Variants in GGT7 observed in about 807,000 individuals in gnomAD.
GGT7 encodes gamma-glutamyltransferase 7.
A neutral mutation model predicts 69.2 loss-of-function variants in GGT7; 30 were observed. The ratio of observed to expected loss-of-function variants is 0.43; its 90% CI spans 0.32 to 0.59. The LOEUF (loss-of-function observed/expected upper bound fraction) is 0.59, where lower values mean the gene tolerates loss of function less well. GGT7 is among the 20% of genes least tolerant of loss of function. GGT7 has a pLI of 0.05. For synonymous variants in GGT7, 388 were observed against 391.8 expected, an observed-to-expected ratio of 0.99 and a Z score of 0.12; for missense variants, 733 against 901.1, an observed-to-expected ratio of 0.81 and a Z score of 2.39.
intron 13 of GGT7, 109 bp downstream of exon 13, chr20:34,851,122 T>C: frequency 7.2e-7 from 1 of 1,382,174 alleles, no homozygotes; most frequent in Non-Finnish European, 1.0e-6. Context: ...CCTCAGCCCA[T>C]GTTTGCCGCA....
chr20:34,852,948 A>ATT (rs11387013), intron 10 of GGT7, among the ~76,000 whole-genome samples: 1 of 150,296 alleles, frequency 6.7e-6, no homozygotes, highest in Non-Finnish European at 1.5e-5. Flanking sequence ...GTATATGAGG[A>ATT]TTTTTTTTTT....
intron 4 of GGT7, 112 bp downstream of exon 4, chr20:34,861,333 C>T (rs2079591372): frequency 2.0e-6 from 1 of 512,616 alleles, no homozygotes. Flanking sequence ...GAATCCTGCT[C>T]AACTCTTTTT....
chr20:34,863,048 G>A lies in GGT7; in HGVS notation c.406-83C>T. On this transcript the variant is annotated intron_variant, in intron 2 of 14. Transcript: ENST00000336431. This position sits in a 1 kb window ranked among gnomAD's most constrained non-coding sequence, Gnocchi z 4.4. Reference sequence around the variant, plus strand: ...ACCTCCACTAGCCCTAGAACTCTACGCGGCATGAAGGTCGAAGCCCTGCCC... The same window carrying A: ...ACCTCCACTAGCCCTAGAACTCTACACGGCATGAAGGTCGAAGCCCTGCCC... 2 of 1,371,354 alleles carry A rather than the reference G, an allele frequency of 1.5e-6. No homozygotes were observed. Among genetic ancestry groups the A allele is most frequent in the Admixed American group, 2.1e-5 (1 of 47,252 alleles). 84.9% of individuals were successfully genotyped at this position (1,371,354 alleles called of 1,614,324 possible).
chr20:34,850,934 T>G (rs748273618), intron 13 of GGT7: 1 of 668,740 alleles, frequency 1.5e-6, no homozygotes, highest in African/African-American at 1.7e-5. Context: ...AGAGGTATAA[T>G]GGGACTTGAG....
intron 7 of GGT7, among the ~76,000 whole-genome samples, chr20:34,857,873 C>T (rs2079521609): frequency 6.6e-6 from 1 of 152,194 alleles, no homozygotes; most frequent in African/African-American, 2.4e-5. Context: ...CCCATCTTGG[C>T]CTCCCAAAGT....
At chr20:34,851,676 TC>T (rs1445310467) in intron 12 of GGT7, among the ~76,000 whole-genome samples, 2 of 152,192 alleles carry the variant, frequency 1.3e-5, no homozygotes, top group African/African-American at 4.8e-5. Context: ...CCCACCCTGA[TC>T]ATCTCTATGT....
intron 13 of GGT7, 144 bp from the exon 14 acceptor site, chr20:34,850,204 GAC>G (rs780137630): frequency 2.6e-6 from 2 of 773,148 alleles, no homozygotes; most frequent in Non-Finnish European, 4.7e-6. Flanking sequence ...AGCCCTGGAA[GAC>G]AGGCAGGCCT....
chr20:34,861,579 AG>A lies in GGT7; in HGVS notation c.558-18del, dbSNP rs2079597246. 2 of 1,386,034 alleles carry A rather than the reference AG, an allele frequency of 1.4e-6. No individual in the cohort carries two copies. The highest frequency in any genetic ancestry group is 3.1e-5 in the South Asian group (2 of 63,964). 85.9% of individuals were successfully genotyped at this position (1,386,034 alleles called of 1,614,324 possible). Reference sequence around the variant, plus strand: ...ACGCCCCCACTGGGAGAGACACAGAAGGGGAAGTGTGATGATAACATGCTAC... The same window carrying A: ...ACGCCCCCACTGGGAGAGACACAGAAGGGAAGTGTGATGATAACATGCTAC... On this transcript the variant is annotated intron_variant, in intron 3 of 14. Transcript: ENST00000336431.
Position 34,866,511 on chromosome 20 carries a change from G to A in GGT7, c.170-2963C>T, listed in dbSNP as rs373444938. On this transcript the variant is annotated intron_variant, in intron 1 of 14. Coordinates refer to ENST00000336431, the MANE Select transcript of GGT7 (RefSeq NM_178026.3). ...GGAAAAATTACAGGGAGATAGGAAT[G>A]GGAAAGGGGACTTTTTTATTCTTCC... Among the ~76,000 whole-genome samples, 4 of 149,960 alleles carry A rather than the reference G, an allele frequency of 2.7e-5. No homozygotes were observed. The East Asian group carries it at 5.9e-4, about 22-fold the overall frequency.
At chr20:34,861,635 C>T in intron 3 of GGT7, 73 bp from the exon 4 acceptor site, 1 of 910,400 alleles carries the variant, frequency 1.1e-6, no homozygotes, top group Non-Finnish European at 1.6e-6. Flanking sequence ...GCTGCCCCTC[C>T]ACCCCCAGTG....
chr20:34,854,094 G>A (rs892732042), intron 10 of GGT7, among the ~76,000 whole-genome samples: 3 of 152,066 alleles, frequency 2.0e-5, no homozygotes, highest in Non-Finnish European at 4.4e-5. Context: ...GCGCCACCAC[G>A]CCCGGCTAAT....
At chr20:34,870,490 GTTGT>G (rs1164116075) in intron 1 of GGT7, among the ~76,000 whole-genome samples, 3 of 152,118 alleles carry the variant, frequency 2.0e-5, no homozygotes, top group East Asian at 1.9e-4. Context: ...TTTTGTTGTT[GTTGT>G]TTGTTTGTTT....
rs1226035304 is a variant in GGT7, at chr20:34,854,505, G to A, written c.1319+26C>T. ...CCCCACACCCACCGCTGCCTCTGTA[G>A]CCCCCAGGTCCTGCCCAAGACCCAC... On this transcript the variant is annotated intron_variant, in intron 10 of 14. Coordinates refer to ENST00000336431, the MANE Select transcript of GGT7 (RefSeq NM_178026.3). 3 of 1,432,018 alleles carry A rather than the reference G, an allele frequency of 2.1e-6. No homozygotes were observed. In the South Asian group the frequency reaches 3.5e-5, roughly 17 times the overall value. 88.7% of individuals were successfully genotyped at this position (1,432,018 alleles called of 1,614,324 possible).
chr20:34,862,917 G>C lies in GGT7; in HGVS notation c.454C>G (p.Leu152Val). The C allele has an allele frequency of 6.2e-7, 1 of 1,614,020 alleles. No homozygotes were observed. Among genetic ancestry groups the C allele is most frequent in the Non-Finnish European group, 8.5e-7 (1 of 1,179,912 alleles). ...VVTDAARCTS[L>V]GIEVLSKQGS... is the part of the protein sequence containing the mutation. ...TGTTTACTGAGCACCTCGATGCCCA[G>C]TGAAGTGCAGCGGGCAGCATCGGTC... The change falls in exon 3 of 15, where the codon CTG becomes GTG. Residue 152 changes from leucine to valine, a missense_variant. Transcript: ENST00000336431.
chr20:34,845,112 TCAC>T lies in GGT7; in HGVS notation c.*213_*215del, dbSNP rs79530197. 31,243 of 387,618 alleles carry T rather than the reference TCAC, an allele frequency of 0.081. 1,815 individuals carry two copies. Among genetic ancestry groups the T allele is most frequent in the Non-Finnish European group, 0.099 (20,891 of 210,628 alleles). 24.0% of individuals were successfully genotyped at this position (387,618 alleles called of 1,614,324 possible). ...CTGGCTGTACTGTAGATGCTGACAC[TCAC>T]CACCACCACCACCACCACCACCACC... On this transcript the variant is annotated 3_prime_UTR_variant, in exon 15 of 15. Transcript: ENST00000336431.
chr20:34,866,064 C>T (rs896185572), intron 1 of GGT7, among the ~76,000 whole-genome samples: 2 of 152,190 alleles, frequency 1.3e-5, no homozygotes, highest in African/African-American at 4.8e-5. Context: ...ACATAATAAA[C>T]ATCTAAGCTC....
chr20:34,856,543 A>G (rs1454260021), intron 8 of GGT7, among the ~76,000 whole-genome samples: 2 of 152,210 alleles, frequency 1.3e-5, no homozygotes, highest in Non-Finnish European at 2.9e-5. Flanking sequence ...AAGAAAACCT[A>G]TGGCCAGAAC....
rs1255100820 is a variant in GGT7 at position 34,856,881 on chromosome 20, C to T, written c.1027G>A (p.Gly343Arg). Residue 343 changes from glycine (G) to arginine (R), a missense_variant, in exon 8 of 15, where the codon GGG becomes AGG. Physicochemically the swap from Gly to Arg is moderately radical, Grantham distance 125. Transcript: ENST00000336431. ...AAGTCCTCTTCGGTTATGACACCCC[C>T]TGCGTGCTGAGCCTGGAGGGAAGAG... is the stretch of plus-strand genomic sequence containing the variant. ...LEMVAEAQHA[G>R]GVITEEDFSN... The T allele has an allele frequency of 6.2e-7, 1 of 1,607,720 alleles. No individual in the cohort carries two copies. Among genetic ancestry groups the T allele is most frequent in the Non-Finnish European group, 8.5e-7 (1 of 1,174,432 alleles).
intron 8 of GGT7, 100 bp from the exon 9 acceptor site, chr20:34,855,023 G>T (rs1159594722): frequency 2.6e-6 from 3 of 1,135,566 alleles, no homozygotes; most frequent in Admixed American, 2.2e-5. Flanking sequence ...TGAGACCACT[G>T]CGCTGAACTC....
Sources: gnomAD v4.1 joint callset for allele counts (sites outside exome capture counted in the v4.1 genomes callset) on GRCh38, gnomAD v4.1.1 for gene constraint, Gnocchi (gnomAD v3.1) non-coding constraint, MANE v1.5 for transcripts, NCBI Gene and HGNC (gene_info 2026-07-23, HGNC 2026-07-21) for gene names.